Variants in LRRIQ3 observed in about 807,000 individuals in gnomAD.
LRRIQ3 encodes leucine-rich repeat and IQ domain-containing protein 3.
In LRRIQ3, 75 loss-of-function variants were observed where a neutral mutation model predicts 59.3. The ratio of observed to expected loss-of-function variants is 1.26; its 90% confidence interval spans 1.05 to 1.53. The LOEUF is 1.53. LRRIQ3 is among the 40% of genes most tolerant of loss of function. The probability of loss-of-function intolerance (pLI) is 0.00; values close to 1 mark genes in which losing one functional copy is unlikely to be tolerated. For missense variants in LRRIQ3, 831 were observed against 710.0 expected (o/e 1.17, Z -1.94); for synonymous variants, 250 against 231.3 (o/e 1.08, Z -0.73).
rs868188192 is a variant in LRRIQ3, at chr1:74,106,902, T to C, written c.867+2492A>G. Reference sequence around the variant, plus strand: ...ACTCACAACCACGCTTTAATACCTGTAAGCCATGGAAAAGTAATGTCCCTA... The same window carrying C: ...ACTCACAACCACGCTTTAATACCTGCAAGCCATGGAAAAGTAATGTCCCTA... On this transcript the variant is annotated intron_variant, in intron 5 of 7. Coordinates refer to ENST00000354431, the MANE Select transcript of LRRIQ3 (RefSeq NM_001105659.2). Among the ~76,000 whole-genome samples, 4 of 152,094 alleles carry C rather than the reference T, an allele frequency of 2.6e-5. No homozygotes were observed. The Middle Eastern group carries it at 0.01, about 388-fold the overall frequency.
At chr1:74,123,772 A>G (rs1341011765) in intron 4 of LRRIQ3, among the ~76,000 whole-genome samples, 1 of 152,006 alleles carries the variant, frequency 6.6e-6, no homozygotes, top group Non-Finnish European at 1.5e-5. Context: ...TAAACATAGG[A>G]GCACAGATAT....
chr1:74,073,893 A>G (rs1427873987), intron 6 of LRRIQ3, among the ~76,000 whole-genome samples: 1 of 152,212 alleles, frequency 6.6e-6, no homozygotes, highest in Non-Finnish European at 1.5e-5. Flanking sequence ...TCTAATCATG[A>G]CAAATTTTAT....
At chr1:74,156,953 C>A (rs552146412) in intron 3 of LRRIQ3, among the ~76,000 whole-genome samples, 14 of 152,124 alleles carry the variant, frequency 9.2e-5, no homozygotes, top group South Asian at 6.2e-4. Context: ...AAATTATCAA[C>A]CCTATTACAC....
intron 6 of LRRIQ3, among the ~76,000 whole-genome samples, chr1:74,062,629 T>C (rs865801900): frequency 2.6e-5 from 4 of 152,154 alleles, no homozygotes; most frequent in African/African-American, 9.7e-5. Context: ...ATGTGGTATA[T>C]ACACAACATG....
intron 4 of LRRIQ3, among the ~76,000 whole-genome samples, chr1:74,143,249 A>C (rs1647346571): frequency 6.6e-6 from 1 of 152,034 alleles, no homozygotes; most frequent in South Asian, 2.1e-4. Context: ...TTTAATTATG[A>C]AAATTGTTTA....
At chr1:74,088,102 C>A (rs1646349347) in intron 5 of LRRIQ3, among the ~76,000 whole-genome samples, 2 of 150,932 alleles carry the variant, frequency 1.3e-5, no homozygotes, top group Non-Finnish European at 3.0e-5. Context: ...AACAAACAAA[C>A]AAAAAAACAA....
At chr1:74,037,660 C>T (rs1219677052) in intron 7 of LRRIQ3, among the ~76,000 whole-genome samples, 1 of 151,812 alleles carries the variant, frequency 6.6e-6, no homozygotes, top group Non-Finnish European at 1.5e-5. Flanking sequence ...AACAAACAAA[C>T]AACAACAACA....
chr1:74,034,847 ATGT>A (rs1446965126), intron 7 of LRRIQ3, among the ~76,000 whole-genome samples: 1 of 152,022 alleles, frequency 6.6e-6, no homozygotes, highest in African/African-American at 2.4e-5. Context: ...TTTAAAAACA[ATGT>A]TGTTTAAAAA....
intron 3 of LRRIQ3, among the ~76,000 whole-genome samples, chr1:74,178,926 G>A (rs989274944): frequency 6.6e-6 from 1 of 151,970 alleles, no homozygotes; most frequent in Non-Finnish European, 1.5e-5. Context: ...AGAGGTAGGG[G>A]GACTGTTCAC....
intron 5 of LRRIQ3, among the ~76,000 whole-genome samples, 197 bp from the exon 6 acceptor site, chr1:74,074,987 A>G (rs906826112): frequency 6.6e-6 from 1 of 152,140 alleles, no homozygotes; most frequent in Non-Finnish European, 1.5e-5. Context: ...CTGTCATTCT[A>G]CTAATATTGT....
chr1:74,186,179 T>C (rs931431496), intron 1 of LRRIQ3, among the ~76,000 whole-genome samples: 17 of 151,890 alleles, frequency 1.1e-4, no homozygotes, highest in Non-Finnish European at 2.4e-4. Flanking sequence ...TATGAAGATA[T>C]TATCTTCTTC....
At chr1:74,138,883 TATC>T (rs1321429969) in intron 4 of LRRIQ3, among the ~76,000 whole-genome samples, 1 of 151,622 alleles carries the variant, frequency 6.6e-6, no homozygotes, top group Non-Finnish European at 1.5e-5. Context: ...CCAGTCCACT[TATC>T]ATAGAAAATA....
intron 4 of LRRIQ3, among the ~76,000 whole-genome samples, chr1:74,133,604 T>C (rs1052123789): frequency 6.6e-6 from 1 of 151,730 alleles, no homozygotes; most frequent in Non-Finnish European, 1.5e-5. Flanking sequence ...CAGCAAACTA[T>C]TGCAAGGACG....
intron 1 of LRRIQ3, among the ~76,000 whole-genome samples, chr1:74,195,587 C>T (rs563554882): frequency 3.3e-5 from 5 of 152,280 alleles, no homozygotes; most frequent in Admixed American, 3.3e-4. Context: ...CTTATGGCAG[C>T]TCTTCAGATA....
intron 3 of LRRIQ3, among the ~76,000 whole-genome samples, chr1:74,156,607 T>A (rs1385180059): frequency 6.6e-6 from 1 of 152,140 alleles, no homozygotes; most frequent in Non-Finnish European, 1.5e-5. Context: ...CACAAACAGG[T>A]GTCCAATGAA....
intron 4 of LRRIQ3, among the ~76,000 whole-genome samples, chr1:74,119,074 T>G (rs1019341145): frequency 2.0e-5 from 3 of 152,156 alleles, no homozygotes; most frequent in African/African-American, 7.2e-5. Context: ...CTAGCTATGT[T>G]GACACATAAA....
intron 7 of LRRIQ3, among the ~76,000 whole-genome samples, chr1:74,030,885 A>G (rs1171240484): frequency 1.3e-5 from 2 of 152,206 alleles, no homozygotes; most frequent in African/African-American, 4.8e-5. Context: ...TAATATCTAG[A>G]ATCTACAAAG....
chr1:74,180,918 T>G, intron 3 of LRRIQ3: 1 of 837,620 alleles, frequency 1.2e-6, no homozygotes, highest in South Asian at 1.9e-5. Context: ...CTTTCTTTTC[T>G]TTAGCAACTA....
At chr1:74,089,566 A>G (rs1039768456) in intron 5 of LRRIQ3, among the ~76,000 whole-genome samples, 2 of 152,104 alleles carry the variant, frequency 1.3e-5, no homozygotes, top group Non-Finnish European at 2.9e-5. Context: ...TGAAAACATT[A>G]TACTAAGTGG....
Sources: allele counts gnomAD v4.1 joint callset (sites outside exome capture counted in the v4.1 genomes callset), GRCh38; gene constraint gnomAD v4.1.1; transcripts MANE v1.5; gene names NCBI Gene and HGNC (gene_info 2026-07-23, HGNC 2026-07-21).